The following FCHSD2 variants were observed in gnomAD, a reference collection of about 807,000 sequenced individuals.
FCHSD2 encodes the protein FCH and double SH3 domains 2, also known as F-BAR and double SH3 domains protein 2.
A neutral mutation model predicts 108.1 loss-of-function variants in FCHSD2; 38 were observed. The observed-to-expected ratio is 0.35, with a 90% confidence interval of 0.27 to 0.46. The LOEUF is 0.46. FCHSD2 is among the 20% of genes least tolerant of loss of function. The pLI is 1.00. For missense variants in FCHSD2, 751 were observed against 897.8 expected (o/e 0.84, Z 2.09); for synonymous variants, 279 against 314.7 (o/e 0.89, Z 1.20).
intron 3 of FCHSD2, among the ~76,000 whole-genome samples, chr11:73,082,351 A>C (rs1859712855): frequency 1.3e-5 from 2 of 149,970 alleles, no homozygotes; most frequent in South Asian, 4.2e-4. Context: ...AAAAAAAAAA[A>C]AAAAAAAAAA....
At chr11:73,132,510 A>C (rs991927036) in intron 2 of FCHSD2, among the ~76,000 whole-genome samples, 3 of 152,172 alleles carry the variant, frequency 2.0e-5, no homozygotes, top group African/African-American at 4.8e-5. Flanking sequence ...AGTGGTTCTC[A>C]AAATTAAGTG....
chr11:73,028,081 AG>A (rs1858270508), intron 3 of FCHSD2, among the ~76,000 whole-genome samples: 1 of 152,194 alleles, frequency 6.6e-6, no homozygotes, highest in Non-Finnish European at 1.5e-5. Flanking sequence ...GTGGGGTTGG[AG>A]CCCCCACACA....
chr11:72,900,156 T>C, intron 10 of FCHSD2: 2 of 743,970 alleles, frequency 2.7e-6, no homozygotes, highest in East Asian at 2.7e-5. Context: ...CTCTTATACA[T>C]GTATATACAT....
At position 73,105,430 on chromosome 11, in the gene FCHSD2, T is replaced by C. The variant is rs543622299; in HGVS notation, c.120-21690A>G. Among the ~76,000 whole-genome samples the C allele has an allele frequency of 2.6e-5, 4 of 152,328 alleles. No individual in the cohort carries two copies. In the East Asian group the frequency reaches 7.7e-4, roughly 29 times the overall value. On this transcript the variant is annotated intron_variant, in intron 2 of 19. Transcript: ENST00000409418. ...CCCCAGAATCTACCAGGCTCTTTAT[T>C]TGGTAACATTACTTTCCTAGGGAAG...
intron 8 of FCHSD2, among the ~76,000 whole-genome samples, chr11:72,953,614 G>T (rs1468982146): frequency 9.5e-6 from 1 of 105,676 alleles, no homozygotes. Context: ...AGGTACTGGA[G>T]ACACTGCATG....
intron 4 of FCHSD2, among the ~76,000 whole-genome samples, chr11:73,013,191 A>T (rs188753750): frequency 5.5e-4 from 83 of 152,286 alleles, no homozygotes; most frequent in African/African-American, 1.9e-3. Flanking sequence ...CACTCCAGTT[A>T]ACCTCTAACC....
intron 9 of FCHSD2, among the ~76,000 whole-genome samples, chr11:72,905,815 T>C (rs967611581): frequency 9.9e-5 from 15 of 152,264 alleles, no homozygotes; most frequent in African/African-American, 3.4e-4. Context: ...ATATGTGCTA[T>C]ATTTTCTTAA....
chr11:72,931,205 C>T (rs558665279), intron 8 of FCHSD2, among the ~76,000 whole-genome samples: 36 of 149,834 alleles, frequency 2.4e-4, no homozygotes, highest in Admixed American at 6.6e-4. Flanking sequence ...AGTGATTCTC[C>T]TGGCTCAGCC....
intron 8 of FCHSD2, among the ~76,000 whole-genome samples, chr11:72,928,171 T>C (rs1050225887): frequency 3.1e-4 from 47 of 152,258 alleles, no homozygotes; most frequent in South Asian, 8.3e-4. Flanking sequence ...CTGCCTTTTT[T>C]TTTTCCTTCA....
rs146015778 is a variant in FCHSD2 at position 72,840,888 on chromosome 11, T to G, written c.2128A>C (p.Lys710Gln). 127 of 1,610,738 alleles carry G rather than the reference T, an allele frequency of 7.9e-5. 1 individual carries two copies. Among genetic ancestry groups the G allele is most frequent in the Non-Finnish European group, 1.0e-4 (119 of 1,177,070 alleles). The change falls in exon 19 of 20, where the codon AAA becomes CAA. Residue 710 changes from lysine to glutamine, a missense_variant. By Grantham distance (53) the Lys-to-Gln change is moderately conservative (BLOSUM62 1). Coordinates refer to ENST00000409418, the MANE Select transcript of FCHSD2 (RefSeq NM_014824.3). ...GATCAGAGACTTACAGGTCGCAGTT[T>G]GCCATATGAGGTCTCAGGAGTATGC... ...SRHTPETSYG[K>Q]LRPVRAAPPP... is the part of the protein sequence containing the mutation.
rs937726827 is a variant in FCHSD2, at chr11:72,948,076, C to T, written c.706-26126G>A. Among the ~76,000 whole-genome samples the T allele has an allele frequency of 9.2e-5, 14 of 152,240 alleles. No homozygotes were observed. The East Asian group carries it at 2.5e-3, about 27-fold the overall frequency. ...AGGCTGGAGTGCAGTGGTGCGATCT[C>T]GGCTCACTGCAACCTCCACCTCTGG... On this transcript the variant is annotated intron_variant, in intron 8 of 19. Coordinates refer to ENST00000409418, the MANE Select transcript of FCHSD2 (RefSeq NM_014824.3).
intron 8 of FCHSD2, among the ~76,000 whole-genome samples, chr11:72,978,348 T>A (rs1229454488): frequency 6.6e-6 from 1 of 151,292 alleles, no homozygotes; most frequent in African/African-American, 2.4e-5. Flanking sequence ...AAATAAAAAA[T>A]AAAAATGAGC....
At chr11:72,844,554 C>T (rs1004060642) in intron 14 of FCHSD2, among the ~76,000 whole-genome samples, 9 of 152,128 alleles carry the variant, frequency 5.9e-5, no homozygotes, top group South Asian at 2.1e-4. Context: ...AATCTGTAAA[C>T]GCTCTGAGGC....
chr11:73,047,258 A>G (rs1858791333), intron 3 of FCHSD2, among the ~76,000 whole-genome samples: 1 of 152,114 alleles, frequency 6.6e-6, no homozygotes, highest in African/African-American at 2.4e-5. Flanking sequence ...AATTAAAGAA[A>G]AAGATTCTTA....
intron 3 of FCHSD2, among the ~76,000 whole-genome samples, chr11:73,055,786 T>A (rs1859011528): frequency 6.6e-6 from 1 of 152,088 alleles, no homozygotes; most frequent in Non-Finnish European, 1.5e-5. Context: ...AGGACAAACA[T>A]CGTGATTCCA....
chr11:73,131,660 C>T lies in FCHSD2; in HGVS notation c.119+8371G>A, dbSNP rs567987376. Among the ~76,000 whole-genome samples the T allele has an allele frequency of 1.7e-4, 25 of 150,992 alleles. 1 individual carries two copies. Among genetic ancestry groups the T allele is most frequent in the Non-Finnish European group, 8.8e-5 (6 of 67,838 alleles). On this transcript the variant is annotated intron_variant, in intron 2 of 19. Coordinates refer to ENST00000409418, the MANE Select transcript of FCHSD2 (RefSeq NM_014824.3). ...CAGAGGTTGCAGTAAGCCAAGATCG[C>T]ACCACTGCACTCCGGTCTAGGCAAC...
chr11:72,931,651 G>T (rs947828869), intron 8 of FCHSD2, among the ~76,000 whole-genome samples: 2 of 151,824 alleles, frequency 1.3e-5, no homozygotes, highest in African/African-American at 4.8e-5. Context: ...TGTAATCCCA[G>T]CTACTTGGGA....
chr11:73,078,413 CAA>C (rs1859605738), intron 3 of FCHSD2, among the ~76,000 whole-genome samples: 3 of 152,122 alleles, frequency 2.0e-5, no homozygotes, highest in Middle Eastern at 6.8e-3. Flanking sequence ...AAGCCCTAGT[CAA>C]AAGTCATACA....
intron 3 of FCHSD2, among the ~76,000 whole-genome samples, chr11:73,024,426 A>T (rs1249930548): frequency 6.6e-6 from 1 of 152,176 alleles, no homozygotes; most frequent in East Asian, 1.9e-4. Flanking sequence ...GTTTCTCACT[A>T]GGCACAGGTA....
Sources: gnomAD v4.1 joint callset for allele counts (sites outside exome capture counted in the v4.1 genomes callset) on GRCh38, gnomAD v4.1.1 for gene constraint, MANE v1.5 for transcripts, NCBI Gene and HGNC (gene_info 2026-07-23, HGNC 2026-07-21) for gene names.